GALNT17: variants seen among roughly 807,000 people sequenced by gnomAD.
GALNT17 encodes UDP-GalNAc:polypeptide N-acetylgalactosaminyltransferase-like 3.
In GALNT17, 29 loss-of-function variants were observed where a neutral mutation model predicts 63.7. The ratio of observed to expected loss-of-function variants is 0.46; its 90% confidence interval spans 0.34 to 0.62. The LOEUF (loss-of-function observed/expected upper bound fraction) is 0.62, where lower values mean the gene tolerates loss of function less well. Among genes scored for constraint, GALNT17 ranks in the 20% least tolerant of loss-of-function variants. The pLI is 0.01. For missense variants in GALNT17, 603 were observed against 799.6 expected, an observed-to-expected ratio of 0.75 and a Z score of 2.97; for synonymous variants, 305 against 318.3, an observed-to-expected ratio of 0.96 and a Z score of 0.45.
intron 8 of GALNT17, among the ~76,000 whole-genome samples, chr7:71,674,297 A>G (rs1001316870): frequency 1.3e-5 from 2 of 152,038 alleles, no homozygotes; most frequent in African/African-American, 4.8e-5. Flanking sequence ...ATAGTGTTAA[A>G]TGAAAGAAAC....
At chr7:71,481,102 C>T (rs1007204944) in intron 5 of GALNT17, among the ~76,000 whole-genome samples, 1 of 152,164 alleles carries the variant, frequency 6.6e-6, no homozygotes, top group East Asian at 1.9e-4. Context: ...GCTTGGAATC[C>T]CTTACAAAAG....
intron 3 of GALNT17, among the ~76,000 whole-genome samples, chr7:71,390,576 C>A (rs1793031859): frequency 1.3e-5 from 2 of 152,170 alleles, no homozygotes; most frequent in African/African-American, 4.8e-5. Flanking sequence ...GCAGCAAAGT[C>A]TCTTTCCTTG....
At chr7:71,621,545 T>G (rs6460680) in intron 6 of GALNT17, among the ~76,000 whole-genome samples, 32,862 of 86,734 alleles carry the variant, frequency 0.38, 4,255 homozygotes, top group East Asian at 0.45. Flanking sequence ...ATTGATGGAT[T>G]GATGGATAGA....
intron 4 of GALNT17, among the ~76,000 whole-genome samples, chr7:71,418,682 G>C (rs1786596997): frequency 6.6e-6 from 1 of 152,210 alleles, no homozygotes; most frequent in African/African-American, 2.4e-5. Context: ...GAAGGAGTGT[G>C]CTTCTCTAAG....
At chr7:71,414,324 A>G (rs1793485924) in intron 3 of GALNT17, among the ~76,000 whole-genome samples, 2 of 152,210 alleles carry the variant, frequency 1.3e-5, no homozygotes, top group Admixed American at 6.5e-5. Context: ...TATGTAATTG[A>G]TCAACATTAA....
chr7:71,667,029 T>A (rs973369830), intron 7 of GALNT17, among the ~76,000 whole-genome samples: 1 of 152,114 alleles, frequency 6.6e-6, no homozygotes, highest in Non-Finnish European at 1.5e-5. Context: ...TGGCACAGAG[T>A]GCATTGTTCG....
At chr7:71,366,189 A>T (rs1467844323) in intron 2 of GALNT17, among the ~76,000 whole-genome samples, 1 of 152,066 alleles carries the variant, frequency 6.6e-6, no homozygotes, top group Non-Finnish European at 1.5e-5. Flanking sequence ...CACTCTCCTG[A>T]CGCTCACCTC....
At chr7:71,530,062 G>A (rs562592377) in intron 5 of GALNT17, among the ~76,000 whole-genome samples, 2 of 152,304 alleles carry the variant, frequency 1.3e-5, no homozygotes, top group South Asian at 2.1e-4. Flanking sequence ...TAATTAGTTA[G>A]TTGATTACTT....
In GALNT17 at chr7:71,646,209, A is replaced by G. The variant is rs377158142; in HGVS notation, c.1081-19202A>G. Among the ~76,000 whole-genome samples, 33 of 152,350 alleles carry G rather than the reference A, an allele frequency of 2.2e-4. No individual in the cohort carries two copies. In the South Asian group the frequency reaches 6.8e-3, roughly 32 times the overall value. On this transcript the variant is annotated intron_variant, in intron 6 of 10. Coordinates refer to ENST00000333538, the MANE Select transcript of GALNT17 (RefSeq NM_022479.3). The stretch of plus-strand genomic sequence containing the variant: ...AGAAACCCCGGATTTCCTGACTTCC[A>G]TAGCTTCTAACCCAGCAGCTAGTCC...
At chr7:71,560,667 A>C (rs950871559) in intron 5 of GALNT17, among the ~76,000 whole-genome samples, 2 of 152,206 alleles carry the variant, frequency 1.3e-5, no homozygotes, top group Non-Finnish European at 2.9e-5. Context: ...TAGCACCGTC[A>C]TGAGAAAGTT....
chr7:71,458,676 G>A (rs1001094307), intron 5 of GALNT17, among the ~76,000 whole-genome samples: 2 of 152,136 alleles, frequency 1.3e-5, no homozygotes, highest in South Asian at 4.1e-4. Flanking sequence ...TCAGCAGGAT[G>A]GATGGGAACG....
intron 1 of GALNT17, chr7:71,300,353 C>T (rs781254524): frequency 7.7e-5 from 33 of 427,192 alleles, no homozygotes; most frequent in Non-Finnish European, 1.2e-4. Context: ...AAAACCAAGA[C>T]GACACCACCT....
At chr7:71,504,011 G>A (rs1466949314) in intron 5 of GALNT17, among the ~76,000 whole-genome samples, 2 of 152,078 alleles carry the variant, frequency 1.3e-5, no homozygotes, top group Admixed American at 6.6e-5. Context: ...GGCGGATCAT[G>A]AGGTTAGGAG....
chr7:71,372,214 G>A (rs909579739), intron 2 of GALNT17, among the ~76,000 whole-genome samples: 4 of 151,986 alleles, frequency 2.6e-5, no homozygotes, highest in Non-Finnish European at 4.4e-5. Flanking sequence ...GCCCAGGCCC[G>A]AGTGCAGTGG....
chr7:71,465,137 A>G (rs919683259), intron 5 of GALNT17, among the ~76,000 whole-genome samples: 2 of 152,208 alleles, frequency 1.3e-5, no homozygotes, highest in Non-Finnish European at 2.9e-5. Flanking sequence ...GCAAGGGTAC[A>G]AGGATGTTGT....
intron 1 of GALNT17, among the ~76,000 whole-genome samples, chr7:71,149,339 G>A (rs940467670): frequency 1.3e-5 from 2 of 152,138 alleles, no homozygotes; most frequent in African/African-American, 2.4e-5. Flanking sequence ...ATGAAACTAA[G>A]GGAAATAAAC....
chr7:71,462,729 T>G (rs763459407), intron 5 of GALNT17, among the ~76,000 whole-genome samples: 1 of 152,156 alleles, frequency 6.6e-6, no homozygotes, highest in Non-Finnish European at 1.5e-5. Context: ...ATGGTTGCTT[T>G]CTTTTGAGTT....
chr7:71,363,883 T>C (rs2116241998), intron 2 of GALNT17, among the ~76,000 whole-genome samples: 1 of 152,284 alleles, frequency 6.6e-6, no homozygotes, highest in Non-Finnish European at 1.5e-5. Context: ...TGGCCGAAAC[T>C]CAGTGATTGG....
intron 1 of GALNT17, among the ~76,000 whole-genome samples, chr7:71,185,404 G>T (rs927029769): frequency 2.0e-5 from 3 of 151,012 alleles, no homozygotes; most frequent in Non-Finnish European, 2.9e-5. Context: ...GCCTCTGTTG[G>T]TCAGGCAGGT....
Sources: allele counts gnomAD v4.1 joint callset (sites outside exome capture counted in the v4.1 genomes callset), GRCh38; gene constraint gnomAD v4.1.1; transcripts MANE v1.5; gene names NCBI Gene and HGNC (gene_info 2026-07-23, HGNC 2026-07-21).